The following GABRG3 variants were observed in gnomAD, a reference collection of about 807,000 sequenced individuals.
GABRG3 encodes the protein gamma-aminobutyric acid type A receptor subunit gamma3.
In GABRG3, 25 loss-of-function variants were observed where a neutral mutation model predicts 48.8. The ratio of observed to expected loss-of-function variants is 0.51; its 90% CI spans 0.37 to 0.72. The LOEUF (loss-of-function observed/expected upper bound fraction) is 0.72, where lower values mean the gene tolerates loss of function less well. Among genes scored for constraint, GABRG3 ranks in the 30% least tolerant of loss-of-function variants. The pLI is 0.00. For missense variants in GABRG3, 394 were observed against 577.9 expected (o/e 0.68, Z 3.26); for synonymous variants, 227 against 217.6 (o/e 1.04, Z -0.38).
intron 5 of GABRG3, among the ~76,000 whole-genome samples, chr15:27,459,167 G>A (rs1450404728): frequency 6.6e-6 from 1 of 152,220 alleles, no homozygotes; most frequent in Non-Finnish European, 1.5e-5. Flanking sequence ...TGATACCTTA[G>A]AGGACTATGT....
chr15:27,062,675 G>T (rs1056989265), intron 3 of GABRG3, among the ~76,000 whole-genome samples: 2 of 151,992 alleles, frequency 1.3e-5, no homozygotes, highest in Non-Finnish European at 2.9e-5. Context: ...TCAATCTTTA[G>T]CTTGAGAGCA....
At chr15:27,283,467 G>C (rs1208395649) in intron 3 of GABRG3, among the ~76,000 whole-genome samples, 1 of 152,170 alleles carries the variant, frequency 6.6e-6, no homozygotes, top group Non-Finnish European at 1.5e-5. Flanking sequence ...AGCCAGGCTT[G>C]ATGGTGTGTG....
intron 3 of GABRG3, among the ~76,000 whole-genome samples, chr15:27,095,659 T>C (rs544247632): frequency 6.6e-5 from 10 of 152,288 alleles, no homozygotes; most frequent in African/African-American, 2.4e-4. Flanking sequence ...GAGACAAGTA[T>C]CATCTGCTCC....
At chr15:27,487,653 G>A (rs1890253090) in intron 6 of GABRG3, among the ~76,000 whole-genome samples, 1 of 152,026 alleles carries the variant, frequency 6.6e-6, no homozygotes, top group African/African-American at 2.4e-5. Flanking sequence ...TACATCCCCT[G>A]GCATGGATGA....
At chr15:27,068,466 T>G (rs1834327745) in intron 3 of GABRG3, among the ~76,000 whole-genome samples, 1 of 152,216 alleles carries the variant, frequency 6.6e-6, no homozygotes, top group Admixed American at 6.5e-5. Context: ...GTGGCAGCGG[T>G]CTGGCTGCAG....
chr15:27,067,824 A>G (rs567568967), intron 3 of GABRG3, among the ~76,000 whole-genome samples: 7 of 152,286 alleles, frequency 4.6e-5, no homozygotes, highest in African/African-American at 1.4e-4. Flanking sequence ...TAAGTCAGCT[A>G]GGGTTGGTGT....
At chr15:27,374,616 C>T (rs955013060) in intron 5 of GABRG3, among the ~76,000 whole-genome samples, 1 of 152,034 alleles carries the variant, frequency 6.6e-6, no homozygotes, top group Admixed American at 6.6e-5. Flanking sequence ...TAGCAAGCAC[C>T]GAGTCTGACT....
chr15:26,985,862 G>A (rs1217850875), intron 2 of GABRG3, among the ~76,000 whole-genome samples: 1 of 152,162 alleles, frequency 6.6e-6, no homozygotes, highest in East Asian at 1.9e-4. Context: ...CGTATTTTAA[G>A]AAAAATAGGA....
chr15:27,060,856 A>G (rs1436572350), intron 3 of GABRG3, among the ~76,000 whole-genome samples: 1 of 152,142 alleles, frequency 6.6e-6, no homozygotes, highest in Admixed American at 6.5e-5. Context: ...TTCAGCTCTC[A>G]TGTCTCCTAG....
intron 3 of GABRG3, among the ~76,000 whole-genome samples, chr15:27,191,021 T>C (rs1001547581): frequency 2.0e-5 from 3 of 152,200 alleles, no homozygotes; most frequent in Admixed American, 6.5e-5. Context: ...TCAGTTTCCA[T>C]GTAGTTGAGC....
At chr15:26,977,973 T>A (rs1379305408) in intron 2 of GABRG3, among the ~76,000 whole-genome samples, 2 of 152,262 alleles carry the variant, frequency 1.3e-5, no homozygotes, top group Non-Finnish European at 2.9e-5. Flanking sequence ...CTTTGTGTCC[T>A]CACCAGCAAC....
At chr15:27,092,505 G>A (rs915217990) in intron 3 of GABRG3, among the ~76,000 whole-genome samples, 9 of 152,170 alleles carry the variant, frequency 5.9e-5, no homozygotes, top group South Asian at 2.1e-4. Flanking sequence ...GTAAGGACCC[G>A]CAGCACTCAC....
chr15:27,126,907 T>G (rs761272239), intron 3 of GABRG3, among the ~76,000 whole-genome samples: 1 of 152,078 alleles, frequency 6.6e-6, no homozygotes, highest in Non-Finnish European at 1.5e-5. Context: ...GACCCTGGCA[T>G]GTAGTGAGGT....
rs548240158 is a variant in GABRG3 at position 27,226,181 on chromosome 15, G to A, written c.271-100628G>A. On this transcript the variant is annotated intron_variant, in intron 3 of 9. Coordinates refer to ENST00000615808, the MANE Select transcript of GABRG3 (RefSeq NM_033223.5). ...TGAGAATAGAGCGCCCAGGGATGAG[G>A]ACCTGGCACTCCTGGGTATGGATGC... 3.9e-5 allele frequency among the ~76,000 whole-genome samples: 6 copies of A among 152,178 alleles called. No homozygotes were observed. The South Asian group carries it at 1.2e-3, about 32-fold the overall frequency.
intron 2 of GABRG3, among the ~76,000 whole-genome samples, chr15:27,008,146 T>G (rs1430661058): frequency 1.3e-5 from 2 of 152,222 alleles, no homozygotes; most frequent in Admixed American, 1.3e-4. Context: ...AGCTAAATAA[T>G]TATATTTTAT....
intron 3 of GABRG3, among the ~76,000 whole-genome samples, chr15:27,324,907 TATTTGCATA>T (rs1303378853): frequency 2.0e-5 from 3 of 152,208 alleles, no homozygotes; most frequent in Non-Finnish European, 4.4e-5. Flanking sequence ...CCTTGAGCCA[TATTTGCATA>T]ATTAAAGAGG....
intron 5 of GABRG3, among the ~76,000 whole-genome samples, chr15:27,341,910 A>T (rs1432673173): frequency 6.6e-6 from 1 of 152,230 alleles, no homozygotes; most frequent in Non-Finnish European, 1.5e-5. Context: ...GCCATATTAG[A>T]GCCAGAGAAA....
chr15:27,490,378 G>A (rs1397750732), intron 6 of GABRG3, among the ~76,000 whole-genome samples: 1 of 152,196 alleles, frequency 6.6e-6, no homozygotes, highest in Admixed American at 6.5e-5. Flanking sequence ...CCTAGGTGGG[G>A]AATTGATTCC....
At chr15:27,005,012 G>T (rs1194487591) in intron 2 of GABRG3, among the ~76,000 whole-genome samples, 1 of 152,022 alleles carries the variant, frequency 6.6e-6, no homozygotes, top group Non-Finnish European at 1.5e-5. Context: ...GAATAGCTGG[G>T]CCCCTCCGGG....
Sources: gnomAD v4.1 joint callset for allele counts (sites outside exome capture counted in the v4.1 genomes callset) on GRCh38, gnomAD v4.1.1 for gene constraint, MANE v1.5 for transcripts, NCBI Gene and HGNC (gene_info 2026-07-23, HGNC 2026-07-21) for gene names.